The following SFSWAP variants were observed in gnomAD, a reference collection of about 807,000 sequenced individuals.
SFSWAP encodes the protein splicing factor SWAP.
A neutral mutation model predicts 100.7 loss-of-function variants in SFSWAP; 17 were observed. The observed-to-expected ratio is 0.17, with a 90% CI of 0.12 to 0.25. SFSWAP has a LOEUF of 0.25. Among genes scored for constraint, SFSWAP ranks in the 10% least tolerant of loss-of-function variants. The probability of loss-of-function intolerance (pLI) is 1.00; values close to 1 mark genes in which losing one functional copy is unlikely to be tolerated. For synonymous variants in SFSWAP, 504 were observed against 510.1 expected (o/e 0.99, Z 0.16); for missense variants, 1,005 against 1,262.6 (o/e 0.80, Z 3.09).
rs1258257911 is a variant in SFSWAP at position 131,794,085 on chromosome 12, C to T, written c.2535-3093C>T. ...CAAAAACACTTTGATTCATAATTAC[C>T]GAAAACTGGAAACAACCAAATCTCT... On this transcript the variant is annotated intron_variant, in intron 15 of 17. Transcript: ENST00000261674. This position sits in a 1 kb window ranked among gnomAD's most constrained non-coding sequence, Gnocchi z 4.8. 1.3e-5 allele frequency among the ~76,000 whole-genome samples: 2 copies of T among 152,160 alleles called. No individual in the cohort carries two copies. The highest frequency in any genetic ancestry group is 1.9e-4 in the East Asian group (1 of 5,200).
At chr12:131,736,775 G>A (rs929175521) in intron 7 of SFSWAP, among the ~76,000 whole-genome samples, 2 of 152,130 alleles carry the variant, frequency 1.3e-5, no homozygotes, top group African/African-American at 4.8e-5. Flanking sequence ...TTGTATATGC[G>A]AGTTTGGGTA....
chr12:131,786,639 G>A, intron 15 of SFSWAP, 51 bp downstream of exon 15: 1 of 1,545,014 alleles, frequency 6.5e-7, no homozygotes, highest in Non-Finnish European at 8.7e-7. Flanking sequence ...AGGTTTCCCT[G>A]GGTGGAAAGG....
At chr12:131,779,100 A>G (rs1383937118) in intron 14 of SFSWAP, among the ~76,000 whole-genome samples, 1 of 148,914 alleles carries the variant, frequency 6.7e-6, no homozygotes, top group Admixed American at 6.7e-5. Context: ...CACTCTGCAC[A>G]TACACTCACC....
rs1884207298 is a variant in SFSWAP, at chr12:131,778,539, CAG to C, written c.2408+212_2408+213del. On this transcript the variant is annotated intron_variant, in intron 14 of 17. Coordinates refer to ENST00000261674, the MANE Select transcript of SFSWAP (RefSeq NM_004592.4). This position sits in a 1 kb window ranked among gnomAD's most constrained non-coding sequence, Gnocchi z 4.2. ...ATACTTAACTTTTTCTTTTTTGAGA[CAG>C]AGTTTTGTTCTTGTTGCCCAGGCTA... is the stretch of plus-strand genomic sequence containing the variant. Among the ~76,000 whole-genome samples the C allele has an allele frequency of 1.3e-5, 2 of 152,078 alleles. No individual in the cohort carries two copies. The highest frequency in any genetic ancestry group is 2.1e-4 in the South Asian group (1 of 4,826).
At chr12:131,744,897 C>G (rs1880973483) in intron 7 of SFSWAP, among the ~76,000 whole-genome samples, 1 of 152,174 alleles carries the variant, frequency 6.6e-6, no homozygotes, top group South Asian at 2.1e-4. Context: ...AGAGGCTGTA[C>G]AGAGAAGCTC....
At chr12:131,756,751 G>T in intron 11 of SFSWAP, 107 bp downstream of exon 11, 2 of 998,706 alleles carry the variant, frequency 2.0e-6, no homozygotes, top group Non-Finnish European at 2.9e-6. Context: ...GCTGGGGTGG[G>T]GTTGGCGGCC....
intron 1 of SFSWAP, chr12:131,712,658 A>T (rs1877486517): frequency 6.6e-6 from 1 of 152,240 alleles, no homozygotes; most frequent in Non-Finnish European, 1.5e-5. Flanking sequence ...TTAGAGCTCG[A>T]AAACGAGAAC....
At chr12:131,795,989 AG>A (rs1885619005) in intron 15 of SFSWAP, 1 of 34,704 alleles carries the variant, frequency 2.9e-5, no homozygotes, top group African/African-American at 1.2e-4. Flanking sequence ...AGGGGAGGGG[AG>A]GGGAGAGGGG....
At chr12:131,754,538 TG>T in intron 9 of SFSWAP, 39 bp downstream of exon 9, 1 of 1,412,104 alleles carries the variant, frequency 7.1e-7, no homozygotes. Flanking sequence ...ATATGGCATT[TG>T]GGGGTTTCGT....
In SFSWAP at chr12:131,711,577, C is replaced by CCTGTCCCCACCTCCTCCT; in HGVS notation, c.218+131_218+148dup. 1.4e-6 allele frequency: 1 copy of CCTGTCCCCACCTCCTCCT among 708,618 alleles called. No individual in the cohort carries two copies. The highest frequency in any genetic ancestry group is 2.4e-6 in the Non-Finnish European group (1 of 421,608). The allele number at this position is 708,618 out of a possible 1,614,324, so 43.9% of individuals were successfully genotyped here. A position where few individuals can be genotyped will look rare whatever the true frequency, so the allele number is the denominator to read the frequency against. ...CGGGGATCTGGGGGACACCCCCTCCCCTGTCCCCACCTCCTCCTGGTGTTC... is the reference window on the plus strand; with the variant it reads ...CGGGGATCTGGGGGACACCCCCTCCCCTGTCCCCACCTCCTCCTCTGTCCCCACCTCCTCCTGGTGTTC... On this transcript the variant is annotated intron_variant, in intron 1 of 17. Transcript: ENST00000261674. The surrounding 1 kb of genome is among the most constrained non-coding windows in gnomAD (Gnocchi z 4.9).
rs560495805 is a variant in SFSWAP at position 131,730,059 on chromosome 12, G to A, written c.1081+1631G>A. ...ATTTCACTGAATGTTCAAATCAGAG[G>A]TCAGCTCTACTGCTACAGAGGTGCG... On this transcript the variant is annotated intron_variant, in intron 7 of 17. Coordinates refer to ENST00000261674, the MANE Select transcript of SFSWAP (RefSeq NM_004592.4). The surrounding 1 kb of genome is among the most constrained non-coding windows in gnomAD (Gnocchi z 4.0). Among the ~76,000 whole-genome samples, 1 of 152,322 alleles carries A rather than the reference G, an allele frequency of 6.6e-6. No individual in the cohort carries two copies. Among genetic ancestry groups the A allele is most frequent in the African/African-American group, 2.4e-5 (1 of 41,566 alleles).
Position 131,711,655 on chromosome 12 carries a change from T to C in SFSWAP, c.218+208T>C. 1 of 567,028 alleles carries C rather than the reference T, an allele frequency of 1.8e-6. No individual in the cohort carries two copies. The allele number at this position is 567,028 out of a possible 1,614,324, so 35.1% of individuals were successfully genotyped here. A position where few individuals can be genotyped will look rare whatever the true frequency, so the allele number is the denominator to read the frequency against. ...CCCTAAGGCACTGGCTGGAATTGCG[T>C]GCCGCGTCCGTCTCCGGAGGGATCG... On this transcript the variant is annotated intron_variant, in intron 1 of 17. Transcript: ENST00000261674. The surrounding 1 kb of genome is among the most constrained non-coding windows in gnomAD (Gnocchi z 4.9).
At chr12:131,765,832 C>T (rs1883073234) in intron 12 of SFSWAP, among the ~76,000 whole-genome samples, 1 of 151,846 alleles carries the variant, frequency 6.6e-6, no homozygotes, top group Non-Finnish European at 1.5e-5. Context: ...TATTCATTGC[C>T]TGGTGTGAAT....
intron 15 of SFSWAP, among the ~76,000 whole-genome samples, chr12:131,790,136 G>A (rs992411378): frequency 3.9e-5 from 6 of 152,120 alleles, no homozygotes; most frequent in African/African-American, 9.7e-5. Flanking sequence ...AAATCTCACC[G>A]TGGACTCAGG....
At chr12:131,752,443 G>T (rs1881745777) in intron 7 of SFSWAP, among the ~76,000 whole-genome samples, 1 of 152,190 alleles carries the variant, frequency 6.6e-6, no homozygotes, top group Admixed American at 6.5e-5. Flanking sequence ...CTACCCTACA[G>T]ATACCTGCTT....
chr12:131,796,948 C>A, intron 15 of SFSWAP: 1 of 472,948 alleles, frequency 2.1e-6, no homozygotes, highest in East Asian at 3.3e-5. Context: ...CTGGTTGCAT[C>A]TTAAATACCA....
chr12:131,739,341 G>A (rs561447211), intron 7 of SFSWAP, among the ~76,000 whole-genome samples: 10 of 152,212 alleles, frequency 6.6e-5, no homozygotes, highest in South Asian at 4.2e-4. Flanking sequence ...CATTGCCACC[G>A]CTAGGATATG....
rs1339013314 is a variant in SFSWAP, at chr12:131,728,570, A to G, written c.1081+142A>G. 6 of 876,232 alleles carry G rather than the reference A, an allele frequency of 6.8e-6. No individual in the cohort carries two copies. The Admixed American group carries it at 1.1e-4, about 16-fold the overall frequency. 54.3% of individuals were successfully genotyped at this position (876,232 alleles called of 1,614,324 possible). A position where few individuals can be genotyped will look rare whatever the true frequency, so the allele number is the denominator to read the frequency against. ...GGCCCAGAGCCTGCACATGGTCCCA[A>G]GGGAGAGTGCCACGAGGCTGCCCTT... is the stretch of plus-strand genomic sequence containing the variant. On this transcript the variant is annotated intron_variant, in intron 7 of 17. Coordinates refer to ENST00000261674, the MANE Select transcript of SFSWAP (RefSeq NM_004592.4).
At chr12:131,796,456 A>G (rs1593200841) in intron 15 of SFSWAP, 1 of 152,496 alleles carries the variant, frequency 6.6e-6, no homozygotes. Context: ...GGTGACGTGG[A>G]CTCTGGGAAG....
Sources: gnomAD v4.1 joint callset for allele counts (sites outside exome capture counted in the v4.1 genomes callset) on GRCh38, gnomAD v4.1.1 for gene constraint, Gnocchi (gnomAD v3.1) non-coding constraint, MANE v1.5 for transcripts, NCBI Gene and HGNC (gene_info 2026-07-23, HGNC 2026-07-21) for gene names.